NFATC1: variants seen among roughly 807,000 people sequenced by gnomAD.
NFATC1 encodes the protein nuclear factor of activated T-cells, cytoplasmic 1.
A neutral mutation model predicts 76.0 loss-of-function variants in NFATC1; 22 were observed. That is an observed-to-expected ratio of 0.29 (90% confidence interval 0.21 to 0.41). NFATC1 has a LOEUF of 0.41. Ranked by LOEUF, NFATC1 falls within the 10% of genes least tolerant of loss-of-function variation. The pLI is 1.00. For synonymous variants in NFATC1, 704 were observed against 613.1 expected, an observed-to-expected ratio of 1.15 and a Z score of -2.19; for missense variants, 1,357 against 1,337.7, an observed-to-expected ratio of 1.01 and a Z score of -0.23.
In NFATC1 at chr18:79,514,493, G is replaced by T. The variant is rs201174535; in HGVS notation, c.2783-13035G>T. On this transcript the variant is annotated intron_variant, in intron 9 of 9. Transcript: ENST00000427363. ...AGGAGAAAGGATCGCATAAGCCTGG[G>T]AGATCAAGGCTGCAGTGAGCTGTGA... Among the ~76,000 whole-genome samples, 24 of 147,000 alleles carry T rather than the reference G, an allele frequency of 1.6e-4. 1 individual carries two copies. In the East Asian group the frequency reaches 4.9e-3, roughly 30 times the overall value.
At chr18:79,486,984 G>A in intron 9 of NFATC1, 47 bp downstream of exon 9, 1 of 1,537,016 alleles carries the variant, frequency 6.5e-7, no homozygotes, top group Non-Finnish European at 8.8e-7. Flanking sequence ...TGGCGCCATG[G>A]CGTGAGCTCA....
In NFATC1 at chr18:79,410,615, G is replaced by C; in HGVS notation, c.340G>C (p.Ala114Pro). The change falls in exon 2 of 10, where the codon GCC (alanine) becomes CCC (proline). Residue 114 changes from alanine (A) to proline (P), a missense_variant. By Grantham distance (27) the Ala-to-Pro change is conservative (BLOSUM62 -1). This residue lies in a region of NFATC1 where 691 missense variants were observed against 613.1 expected (regional missense o/e 1.13). Coordinates refer to ENST00000427363, the MANE Select transcript of NFATC1 (RefSeq NM_001278669.2). This position sits in a 1 kb window ranked among gnomAD's most constrained non-coding sequence, Gnocchi z 6.7. The part of the protein sequence containing the change: ...SGHTRPDGAP[A>P]LESPRIEITS... ...CCACACCAGGCCTGATGGGGCCCCT[G>C]CCCTGGAGAGTCCTCGCATCGAGAT... is the stretch of plus-strand genomic sequence containing the variant. 1 of 1,612,942 alleles carries C rather than the reference G, an allele frequency of 6.2e-7. No individual in the cohort carries two copies. The highest frequency in any genetic ancestry group is 8.5e-7 in the Non-Finnish European group (1 of 1,180,006).
intron 2 of NFATC1, among the ~76,000 whole-genome samples, chr18:79,425,043 C>CCA (rs2086258098): frequency 6.8e-6 from 1 of 146,376 alleles, no homozygotes; most frequent in African/African-American, 2.7e-5. Flanking sequence ...CCATCTCTCT[C>CCA]TCCGTCTCTG....
intron 8 of NFATC1, among the ~76,000 whole-genome samples, chr18:79,476,255 C>A (rs975833100): frequency 6.6e-6 from 1 of 152,238 alleles, no homozygotes; most frequent in Admixed American, 6.5e-5. Flanking sequence ...CTCCGGGCGG[C>A]GTCGGCCATG....
At chr18:79,408,056 C>T (rs900818591) in intron 1 of NFATC1, among the ~76,000 whole-genome samples, 1 of 152,202 alleles carries the variant, frequency 6.6e-6, no homozygotes, top group East Asian at 1.9e-4. Flanking sequence ...GCTGTGACTC[C>T]TGGGATTGAG....
At chr18:79,422,533 G>A (rs1440969325) in intron 2 of NFATC1, 1 of 152,276 alleles carries the variant, frequency 6.6e-6, no homozygotes, top group Non-Finnish European at 1.5e-5. Flanking sequence ...ACGAGAAGAT[G>A]CAGCGGCCCC....
intron 2 of NFATC1, among the ~76,000 whole-genome samples, chr18:79,414,333 A>G (rs747958705): frequency 1.3e-5 from 2 of 152,172 alleles, no homozygotes; most frequent in East Asian, 3.8e-4. Context: ...TCTTCTCCCC[A>G]CCGTGGTACA....
chr18:79,427,882 T>A (rs2086444272), intron 2 of NFATC1, among the ~76,000 whole-genome samples: 1 of 119,486 alleles, frequency 8.4e-6, no homozygotes, highest in Non-Finnish European at 1.7e-5. Flanking sequence ...CTGGCCTCTG[T>A]GCAGTGAGTC....
intron 2 of NFATC1, among the ~76,000 whole-genome samples, chr18:79,416,286 G>C (rs780727009): frequency 6.6e-6 from 1 of 152,248 alleles, no homozygotes; most frequent in Non-Finnish European, 1.5e-5. Flanking sequence ...GGTGGACTCT[G>C]TCTTCTCTTT....
chr18:79,459,206 C>T (rs538537958), intron 6 of NFATC1, among the ~76,000 whole-genome samples: 4 of 152,368 alleles, frequency 2.6e-5, no homozygotes, highest in Non-Finnish European at 5.9e-5. Flanking sequence ...GGAGGCTGCT[C>T]CATGGCAGCT....
chr18:79,484,471 G>A (rs565428536), intron 8 of NFATC1, among the ~76,000 whole-genome samples: 12 of 152,186 alleles, frequency 7.9e-5, no homozygotes, highest in East Asian at 5.8e-4. Context: ...TGTGTAGGGC[G>A]GACGCTTTAA....
chr18:79,433,834 C>G (rs1182101364), intron 3 of NFATC1, 96 bp downstream of exon 3: 15 of 1,454,454 alleles, frequency 1.0e-5, no homozygotes, highest in Middle Eastern at 1.9e-4. Flanking sequence ...CTCTCCCAGC[C>G]AGGCCAGCTG....
At chr18:79,397,199 C>T (rs2085036845) in intron 1 of NFATC1, among the ~76,000 whole-genome samples, 1 of 152,188 alleles carries the variant, frequency 6.6e-6, no homozygotes, top group South Asian at 2.1e-4. Context: ...TTGAAAATAC[C>T]CTTGCAGAGG....
At chr18:79,396,654 C>T (rs2085015324) in intron 1 of NFATC1, among the ~76,000 whole-genome samples, 1 of 152,186 alleles carries the variant, frequency 6.6e-6, no homozygotes, top group African/African-American at 2.4e-5. Context: ...GATTTGGGGA[C>T]GGGCGAGGCT....
At chr18:79,443,372 G>A (rs113017782) in intron 3 of NFATC1, among the ~76,000 whole-genome samples, 76 of 152,332 alleles carry the variant, frequency 5.0e-4, no homozygotes, top group Non-Finnish European at 8.2e-4. Flanking sequence ...TCAGTCACAC[G>A]GATTCTGCAG....
chr18:79,457,530 T>C (rs866302057), intron 6 of NFATC1, among the ~76,000 whole-genome samples: 1 of 152,232 alleles, frequency 6.6e-6, no homozygotes, highest in African/African-American at 2.4e-5. Context: ...CCCATGGTCA[T>C]GTTGGCTAGT....
chr18:79,424,730 C>T (rs557923241), intron 2 of NFATC1, among the ~76,000 whole-genome samples: 22 of 130,558 alleles, frequency 1.7e-4, no homozygotes, highest in South Asian at 1.5e-3. Context: ...TGTCTCTCTC[C>T]GTCTCTGTCT....
chr18:79,411,415 C>T lies in NFATC1; in HGVS notation c.1140C>T (p.Gly380=), dbSNP rs191625409. 3.8e-5 allele frequency: 59 copies of T among 1,553,514 alleles called. No individual in the cohort carries two copies. The highest frequency in any genetic ancestry group is 2.0e-4 in the East Asian group (9 of 44,424). Residue 380 remains glycine, a synonymous_variant, in exon 2 of 10, where the codon GGC becomes GGT. Coordinates refer to ENST00000427363, the MANE Select transcript of NFATC1 (RefSeq NM_001278669.2). Reference sequence around the variant, plus strand: ...CCTCTTTCCAGCACATCAGGAAGGGCGGCTTCTGCGACCAGTACCTGGCGG... The same window carrying T: ...CCTCTTTCCAGCACATCAGGAAGGGTGGCTTCTGCGACCAGTACCTGGCGG... ...DYSSFQHIRK[G]GFCDQYLAVP...
intron 7 of NFATC1, among the ~76,000 whole-genome samples, chr18:79,464,188 C>A (rs2088305161): frequency 6.6e-6 from 1 of 152,146 alleles, no homozygotes; most frequent in South Asian, 2.1e-4. Context: ...CTCCCAGGTT[C>A]AAGCGATTCT....
Sources: allele counts gnomAD v4.1 joint callset (sites outside exome capture counted in the v4.1 genomes callset), GRCh38; gene constraint gnomAD v4.1.1; regional missense constraint gnomAD v4.1.1; non-coding constraint Gnocchi (gnomAD v3.1); transcripts MANE v1.5; gene names NCBI Gene and HGNC (gene_info 2026-07-23, HGNC 2026-07-21).